The following LRP1B variants were observed in gnomAD, a reference collection of about 807,000 sequenced individuals.
LRP1B encodes LDL receptor related protein 1B.
A neutral mutation model predicts 556.6 loss-of-function variants in LRP1B; 217 were observed. The ratio of observed to expected loss-of-function variants is 0.39; its 90% confidence interval spans 0.35 to 0.44. The LOEUF is 0.44. Among genes scored for constraint, LRP1B ranks in the 20% least tolerant of loss-of-function variants. The pLI is 1.00. For synonymous variants in LRP1B, 2,047 were observed against 1,865.8 expected, an observed-to-expected ratio of 1.10 and a Z score of -2.50; for missense variants, 5,053 against 5,620.8, an observed-to-expected ratio of 0.90 and a Z score of 3.23.
intron 37 of LRP1B, among the ~76,000 whole-genome samples, chr2:140,713,207 A>G (rs557342822): frequency 6.6e-6 from 1 of 152,206 alleles, no homozygotes; most frequent in South Asian, 2.1e-4. Context: ...CCAGCCAATT[A>G]CCATTAAATG....
intron 1 of LRP1B, among the ~76,000 whole-genome samples, chr2:142,051,642 A>AT (rs1704462264): frequency 6.6e-6 from 1 of 151,626 alleles, no homozygotes; most frequent in African/African-American, 2.4e-5. Context: ...ATGCCAGCTA[A>AT]TTTTTTGTAT....
chr2:140,740,166 C>A (rs1402786760), intron 35 of LRP1B, among the ~76,000 whole-genome samples: 1 of 152,100 alleles, frequency 6.6e-6, no homozygotes, highest in Non-Finnish European at 1.5e-5. Flanking sequence ...AACCCCACTC[C>A]TGGGTATCTA....
intron 3 of LRP1B, among the ~76,000 whole-genome samples, chr2:141,312,622 G>T (rs990349694): frequency 6.6e-6 from 1 of 151,928 alleles, no homozygotes; most frequent in African/African-American, 2.4e-5. Context: ...AATTGACTAA[G>T]TTGCATTAGT....
rs76545244 is a variant in LRP1B, at chr2:141,099,011, C to A, written c.1014-36738G>T. On this transcript the variant is annotated intron_variant, in intron 7 of 90. Transcript: ENST00000389484. ...TTAGTTCCAAAACATTCAAAGGCCA[C>A]AGAAAAAATTAAGGATTATTTGACT... 6.3e-3 allele frequency among the ~76,000 whole-genome samples: 964 copies of A among 152,098 alleles called. 13 individuals are homozygous for A. The highest frequency in any genetic ancestry group is 0.022 in the African/African-American group (910 of 41,494).
At chr2:141,744,221 T>C (rs1000770685) in intron 2 of LRP1B, among the ~76,000 whole-genome samples, 3 of 152,226 alleles carry the variant, frequency 2.0e-5, no homozygotes, top group South Asian at 4.1e-4. Context: ...ATTTTTCAGT[T>C]TTTTTCTTTT....
At chr2:141,272,616 A>G (rs927505452) in intron 3 of LRP1B, among the ~76,000 whole-genome samples, 4 of 152,212 alleles carry the variant, frequency 2.6e-5, no homozygotes, top group Non-Finnish European at 4.4e-5. Context: ...AAGAAAATGG[A>G]TGGGAAAAAA....
intron 1 of LRP1B, among the ~76,000 whole-genome samples, chr2:142,056,448 T>G (rs910215646): frequency 6.6e-6 from 1 of 152,024 alleles, no homozygotes; most frequent in African/African-American, 2.4e-5. Context: ...TTTTTATCAT[T>G]AAAATTTGGA....
intron 1 of LRP1B, among the ~76,000 whole-genome samples, chr2:141,874,116 T>TA (rs1491172815): frequency 2.7e-5 from 3 of 110,076 alleles, no homozygotes; most frequent in Non-Finnish European, 5.7e-5. Flanking sequence ...TTTTTTTTTT[T>TA]ACTTTTCACA....
At chr2:141,792,850 G>A (rs1390490846) in intron 2 of LRP1B, among the ~76,000 whole-genome samples, 1 of 151,730 alleles carries the variant, frequency 6.6e-6, no homozygotes, top group Admixed American at 6.6e-5. Flanking sequence ...AATAGTTCAA[G>A]ACAAATAGAT....
chr2:141,054,209 G>T (rs1300689343), intron 10 of LRP1B, among the ~76,000 whole-genome samples: 1 of 151,880 alleles, frequency 6.6e-6, no homozygotes, highest in African/African-American at 2.4e-5. Context: ...ATGACCAGAG[G>T]GTGGAAGAGA....
intron 7 of LRP1B, among the ~76,000 whole-genome samples, chr2:141,120,952 TA>T (rs566882087): frequency 1.2e-4 from 18 of 151,894 alleles, no homozygotes; most frequent in East Asian, 1.9e-4. Context: ...CTGACAATGA[TA>T]AAAAAAATAA....
chr2:141,412,750 C>CAAAG (rs1690900679), intron 3 of LRP1B, among the ~76,000 whole-genome samples: 1 of 151,822 alleles, frequency 6.6e-6, no homozygotes, highest in Non-Finnish European at 1.5e-5. Context: ...AGAGAGTAAC[C>CAAAG]AAAGAGAAAA....
At chr2:140,961,296 A>C (rs1180181157) in intron 18 of LRP1B, among the ~76,000 whole-genome samples, 2 of 152,006 alleles carry the variant, frequency 1.3e-5, no homozygotes, top group African/African-American at 4.8e-5. Flanking sequence ...CCACTATCAA[A>C]TTTTAAAATA....
chr2:141,192,435 CT>C (rs1467311887), intron 6 of LRP1B, among the ~76,000 whole-genome samples: 1 of 151,684 alleles, frequency 6.6e-6, no homozygotes, highest in East Asian at 1.9e-4. Context: ...CTTAATTTTG[CT>C]GAAATATAAC....
chr2:141,011,536 G>A (rs1057215826), intron 14 of LRP1B, among the ~76,000 whole-genome samples: 5 of 152,008 alleles, frequency 3.3e-5, no homozygotes, highest in East Asian at 1.9e-4. Context: ...ATATAGTTAA[G>A]TACTAGGTAA....
intron 1 of LRP1B, among the ~76,000 whole-genome samples, chr2:142,003,400 G>C (rs1702714216): frequency 6.6e-6 from 1 of 152,162 alleles, no homozygotes; most frequent in African/African-American, 2.4e-5. Context: ...TGGGGATTGG[G>C]AAGAGAACAG....
chr2:140,934,785 C>G (rs2105276890), intron 20 of LRP1B, among the ~76,000 whole-genome samples: 1 of 152,292 alleles, frequency 6.6e-6, no homozygotes, highest in South Asian at 2.1e-4. Context: ...CAAGTCCCTC[C>G]ATTTCTAGCT....
intron 2 of LRP1B, among the ~76,000 whole-genome samples, chr2:141,773,243 GT>G (rs1384551792): frequency 1.3e-5 from 2 of 152,156 alleles, no homozygotes; most frequent in African/African-American, 4.8e-5. Flanking sequence ...ACAATTAAAA[GT>G]AGACAATCCT....
chr2:140,881,252 A>ACG (rs531850216), intron 25 of LRP1B, among the ~76,000 whole-genome samples: 1 of 73,074 alleles, frequency 1.4e-5, no homozygotes, highest in African/African-American at 3.5e-5. Flanking sequence ...GCTTTGCTGT[A>ACG]AGTGTGTGTG....
Sources: gnomAD v4.1 joint callset for allele counts (sites outside exome capture counted in the v4.1 genomes callset) on GRCh38, gnomAD v4.1.1 for gene constraint, MANE v1.5 for transcripts, NCBI Gene and HGNC (gene_info 2026-07-23, HGNC 2026-07-21) for gene names.